ADRA1B: variants seen among roughly 807,000 people sequenced by gnomAD.
ADRA1B encodes alpha-1B adrenergic receptor.
In ADRA1B, 17 loss-of-function variants were observed where a neutral mutation model predicts 17.9. The ratio of observed to expected loss-of-function variants is 0.95; its 90% CI spans 0.65 to 1.42. The LOEUF (loss-of-function observed/expected upper bound fraction) is 1.42, where lower values mean the gene tolerates loss of function less well. Ranked by LOEUF, ADRA1B falls within the 40% of genes most tolerant of loss-of-function variation. The pLI, the probability that ADRA1B is intolerant of heterozygous loss-of-function variation, is 0.00. For missense variants in ADRA1B, 681 were observed against 722.1 expected (o/e 0.94, Z 0.65); for synonymous variants, 366 against 327.6 (o/e 1.12, Z -1.27).
At chr5:159,954,361 A>T (rs558693818) in intron 1 of ADRA1B, among the ~76,000 whole-genome samples, 1 of 152,272 alleles carries the variant, frequency 6.6e-6, no homozygotes, top group Admixed American at 6.5e-5. Flanking sequence ...TGGGATAAAG[A>T]TGGGGAGGAA....
chr5:159,928,039 G>A (rs573753558), intron 1 of ADRA1B, among the ~76,000 whole-genome samples: 2 of 152,126 alleles, frequency 1.3e-5, no homozygotes, highest in Non-Finnish European at 2.9e-5. Flanking sequence ...TGAATCTATG[G>A]CTGGCCAGCC....
Position 159,917,487 on chromosome 5 carries a change from G to GT in ADRA1B, c.583dup (p.Cys195LeufsTer72). The GT allele has an allele frequency of 1.2e-6, 2 of 1,614,096 alleles. No homozygotes were observed. Among genetic ancestry groups the GT allele is most frequent in the Non-Finnish European group, 1.7e-6 (2 of 1,179,992 alleles). On this transcript the variant is annotated frameshift_variant, in exon 1 of 2. Coordinates refer to ENST00000306675, the MANE Select transcript of ADRA1B (RefSeq NM_000679.4). LOFTEE classifies it high-confidence loss of function. ...AGCCGGCACCCAACGATGACAAGGA[G>GT]TGCGGGGTCACCGAAGAACCCTTCT...
the ADRA1B span, among the ~76,000 whole-genome samples, chr5:159,978,866 A>T: frequency 2.0e-5 from 3 of 152,228 alleles, no homozygotes; most frequent in Non-Finnish European, 4.4e-5. Flanking sequence ...CCTGAAACCC[A>T]ATCAAGCACG....
chr5:159,966,904 A>G (rs1361298757), intron 1 of ADRA1B, among the ~76,000 whole-genome samples: 9 of 152,252 alleles, frequency 5.9e-5, no homozygotes, highest in African/African-American at 2.2e-4. Context: ...CCATCTATCC[A>G]GACAGTAGGA....
intron 1 of ADRA1B, 61 bp from the exon 2 acceptor site, chr5:159,971,818 G>C (rs1332315586): frequency 1.3e-5 from 17 of 1,308,336 alleles, no homozygotes; most frequent in Non-Finnish European, 1.7e-5. Flanking sequence ...ATTGGGGCGA[G>C]AGCTTGACTA....
intron 1 of ADRA1B, among the ~76,000 whole-genome samples, chr5:159,959,737 T>C (rs1381644131): frequency 6.6e-6 from 1 of 152,062 alleles, no homozygotes. Flanking sequence ...TATGTGAAGA[T>C]ATCATTACTT....
chr5:159,962,810 C>T (rs1331017203), intron 1 of ADRA1B, among the ~76,000 whole-genome samples: 1 of 143,856 alleles, frequency 7.0e-6, no homozygotes, highest in Non-Finnish European at 1.5e-5. Flanking sequence ...AGCTGGTCCA[C>T]AGGTGTGGGG....
chr5:159,927,661 T>G (rs984172907), intron 1 of ADRA1B, among the ~76,000 whole-genome samples: 15 of 152,196 alleles, frequency 9.9e-5, no homozygotes, highest in African/African-American at 3.6e-4. Context: ...CAAAGCATAA[T>G]TATACTTATT....
At chr5:159,898,393 C>A (rs1489569747) in intron 1 of ADRA1B, among the ~76,000 whole-genome samples, 2 of 152,100 alleles carry the variant, frequency 1.3e-5, no homozygotes, top group Non-Finnish European at 2.9e-5. Context: ...GAAACTGATT[C>A]CCAGAAGTGG....
upstream of ADRA1B, among the ~76,000 whole-genome samples, chr5:159,912,232 C>T (rs1034236335): frequency 3.9e-5 from 6 of 152,176 alleles, no homozygotes; most frequent in East Asian, 7.7e-4. Context: ...GGAAACTGGG[C>T]CCAGAGTGGT....
At chr5:159,899,628 G>A (rs1754080323) in intron 1 of ADRA1B, among the ~76,000 whole-genome samples, 1 of 152,164 alleles carries the variant, frequency 6.6e-6, no homozygotes, top group African/African-American at 2.4e-5. Context: ...GATGTAAATG[G>A]ATCCCCCTGA....
chr5:159,894,675 T>C (rs538450469), intron 1 of ADRA1B, among the ~76,000 whole-genome samples: 25 of 152,264 alleles, frequency 1.6e-4, no homozygotes, highest in African/African-American at 6.0e-4. Flanking sequence ...TAGTTCGTGA[T>C]ACAATAAAAG....
Position 159,972,357 on chromosome 5 carries a change from C to A in ADRA1B, c.1428C>A (p.Phe476Leu). The A allele has an allele frequency of 6.6e-7, 1 of 1,505,994 alleles. No individual in the cohort carries two copies. Among genetic ancestry groups the A allele is most frequent in the South Asian group, 1.2e-5 (1 of 81,218 alleles). 93.3% of individuals were successfully genotyped at this position (1,505,994 alleles called of 1,614,324 possible). A position where few individuals can be genotyped will look rare whatever the true frequency, so the allele number is the denominator to read the frequency against. ...GRHDSGPLFT[F>L]KLLTEPESPG... ...ACGACTCGGGCCCGCTCTTCACCTT[C>A]AAGCTCCTGACCGAGCCCGAGAGCC... Residue 476 changes from phenylalanine to leucine, a missense_variant, in exon 2 of 2, where the codon TTC (phenylalanine) becomes TTA (leucine). By Grantham distance (22) the Phe-to-Leu change is conservative. Coordinates refer to ENST00000306675, the MANE Select transcript of ADRA1B (RefSeq NM_000679.4).
At chr5:159,867,298 A>G (rs377445789) in intron 1 of ADRA1B, among the ~76,000 whole-genome samples, 19 of 152,254 alleles carry the variant, frequency 1.2e-4, no homozygotes, top group African/African-American at 3.9e-4. Context: ...CACTAATTCC[A>G]TTCTACCCCG....
intron 1 of ADRA1B, among the ~76,000 whole-genome samples, chr5:159,875,783 T>C (rs1303371169): frequency 6.6e-6 from 1 of 152,152 alleles, no homozygotes; most frequent in Non-Finnish European, 1.5e-5. Flanking sequence ...TCCCCTGAAT[T>C]AAAGCAGGGA....
intron 1 of ADRA1B, among the ~76,000 whole-genome samples, chr5:159,909,157 A>G (rs897973845): frequency 1.3e-5 from 2 of 152,160 alleles, no homozygotes; most frequent in African/African-American, 4.8e-5. Flanking sequence ...TGGGCAAAGG[A>G]AACTGCCTCT....
chr5:159,981,831 T>C, the ADRA1B span, among the ~76,000 whole-genome samples: 1 of 152,200 alleles, frequency 6.6e-6, no homozygotes, highest in African/African-American at 2.4e-5. Flanking sequence ...AATTTGGGGC[T>C]GGGCACGGTG....
chr5:159,956,721 T>A (rs1306801944), intron 1 of ADRA1B, among the ~76,000 whole-genome samples: 1 of 152,240 alleles, frequency 6.6e-6, no homozygotes, highest in African/African-American at 2.4e-5. Context: ...CATGCTCATT[T>A]TAATTTTATT....
upstream of ADRA1B, among the ~76,000 whole-genome samples, chr5:159,912,510 T>C (rs1754237706): frequency 6.6e-6 from 1 of 152,248 alleles, no homozygotes; most frequent in African/African-American, 2.4e-5. Flanking sequence ...CTCCCCTCCC[T>C]GACCTCTGCC....
Sources: gnomAD v4.1 joint callset for allele counts (sites outside exome capture counted in the v4.1 genomes callset) on GRCh38, gnomAD v4.1.1 for gene constraint, MANE v1.5 for transcripts, NCBI Gene and HGNC (gene_info 2026-07-23, HGNC 2026-07-21) for gene names.